Variants in PLCB4 observed in about 807,000 individuals in gnomAD.
The protein encoded by PLCB4 is 1-phosphatidylinositol 4,5-bisphosphate phosphodiesterase beta-4.
In PLCB4, 77 loss-of-function variants were observed where a neutral mutation model predicts 178.8. That is an observed-to-expected ratio of 0.43 (90% CI 0.36 to 0.52). The LOEUF is 0.52. PLCB4 is among the 20% of genes least tolerant of loss of function. The pLI is 0.00. For missense variants in PLCB4, 1,024 were observed against 1,453.4 expected (o/e 0.70, Z 4.80); for synonymous variants, 496 against 490.8 (o/e 1.01, Z -0.14).
At chr20:9,421,562 C>T (rs759822186) in intron 27 of PLCB4, 101 bp downstream of exon 27, 12 of 893,336 alleles carry the variant, frequency 1.3e-5, no homozygotes, top group Non-Finnish European at 2.1e-5. Flanking sequence ...CAACCGACAA[C>T]ATCTTCTTTT....
rs908445000 is a variant in PLCB4, at chr20:9,180,884, G to C, written c.-78-36506G>C. 2.0e-5 allele frequency among the ~76,000 whole-genome samples: 3 copies of C among 152,142 alleles called. No individual in the cohort carries two copies. In the South Asian group the frequency reaches 6.2e-4, roughly 32 times the overall value. On this transcript the variant is annotated intron_variant, in intron 2 of 39. Coordinates refer to ENST00000378473, the MANE Select transcript of PLCB4 (RefSeq NM_001377142.1). ...ACTTTGTTCCTACAAAATTATTTAA[G>C]CATTTGAGCACAAAAATAAACAAAT... is the stretch of plus-strand genomic sequence containing the variant.
chr20:9,409,961 A>T (rs1042093044), intron 24 of PLCB4, among the ~76,000 whole-genome samples: 2 of 152,212 alleles, frequency 1.3e-5, no homozygotes, highest in Non-Finnish European at 2.9e-5. Flanking sequence ...CAACTGGTAA[A>T]ATAAAACAAA....
Position 9,339,015 on chromosome 20 carries a change from C to T in PLCB4, c.347C>T (p.Ala116Val), listed in dbSNP as rs1363986653. The change falls in exon 7 of 40, where the codon GCT becomes GTT. Residue 116 changes from alanine to valine, a missense_variant. Ala to Val is a moderately conservative substitution (Grantham distance 64, BLOSUM62 0). This residue lies in a region of PLCB4 where 225 missense variants were observed against 291.0 expected (regional missense o/e 0.77). Coordinates refer to ENST00000378473, the MANE Select transcript of PLCB4 (RefSeq NM_001377142.1). ...AACATTAGTTTTACCTACATGGTGG[C>T]TGAAAATCCAGAAGTAACTAAGGTA... ...LVNISFTYMV[A>V]ENPEVTKQWV... The T allele has an allele frequency of 6.2e-7, 1 of 1,613,212 alleles. No individual in the cohort carries two copies. The highest frequency in any genetic ancestry group is 8.5e-7 in the Non-Finnish European group (1 of 1,179,458).
rs2093644435 is a variant in PLCB4, at chr20:9,209,027, A to G, written c.-78-8363A>G. The stretch of plus-strand genomic sequence containing the variant: ...ATACCCTGTCCTAACAAAGCAAAAC[A>G]AAGGAAACCCAAATTTTTGGTCCTT... On this transcript the variant is annotated intron_variant, in intron 2 of 39. Coordinates refer to ENST00000378473, the MANE Select transcript of PLCB4 (RefSeq NM_001377142.1). Among the ~76,000 whole-genome samples, 4 of 152,322 alleles carry G rather than the reference A, an allele frequency of 2.6e-5. No individual in the cohort carries two copies. The East Asian group carries it at 7.7e-4, about 29-fold the overall frequency.
intron 2 of PLCB4, among the ~76,000 whole-genome samples, chr20:9,106,562 A>C (rs573020273): frequency 6.6e-5 from 10 of 151,340 alleles, no homozygotes; most frequent in Middle Eastern, 3.4e-3. Context: ...CACACACACA[A>C]AATGTTCATC....
intron 3 of PLCB4, among the ~76,000 whole-genome samples, chr20:9,259,777 A>G (rs895520153): frequency 6.6e-6 from 1 of 152,128 alleles, no homozygotes; most frequent in Non-Finnish European, 1.5e-5. Flanking sequence ...AGTATAAAAT[A>G]TATACCCAAC....
intron 1 of PLCB4, among the ~76,000 whole-genome samples, chr20:9,093,099 A>G (rs1264381611): frequency 3.9e-5 from 6 of 152,190 alleles, no homozygotes; most frequent in Non-Finnish European, 7.3e-5. Context: ...TATTTGACAC[A>G]TATTTATTAA....
At chr20:9,241,755 C>G (rs1301922646) in intron 3 of PLCB4, among the ~76,000 whole-genome samples, 2 of 152,166 alleles carry the variant, frequency 1.3e-5, no homozygotes, top group African/African-American at 4.8e-5. Context: ...TGAAGCATGA[C>G]CAGAATGTCA....
At chr20:9,379,815 G>GA (rs1400521346) in intron 12 of PLCB4, among the ~76,000 whole-genome samples, 1 of 152,048 alleles carries the variant, frequency 6.6e-6, no homozygotes, top group Admixed American at 6.5e-5. Context: ...TTTTGAAGGG[G>GA]AAAAAATGTA....
intron 2 of PLCB4, among the ~76,000 whole-genome samples, chr20:9,148,277 G>T (rs948992547): frequency 9.9e-5 from 15 of 152,038 alleles, no homozygotes; most frequent in Non-Finnish European, 2.2e-4. Flanking sequence ...CCTCAAAGAA[G>T]CTTTGTTGTG....
intron 1 of PLCB4, among the ~76,000 whole-genome samples, chr20:9,086,227 G>A (rs1188560353): frequency 1.3e-5 from 2 of 152,116 alleles, no homozygotes; most frequent in African/African-American, 4.8e-5. Flanking sequence ...AAGGATATAT[G>A]TTTCTGTGTG....
rs758705823 is a variant in PLCB4, at chr20:9,371,299, T to A, written c.585+4T>A. On this transcript the variant is annotated splice_donor_region_variant and intron_variant, in intron 10 of 39. Transcript: ENST00000378473. ...GTTAGGTCTTCCCAGTGGAAAGGTA[T>A]GCATTAACTTAATAATGTATTTCTA... is the stretch of plus-strand genomic sequence containing the variant. 3 of 1,494,752 alleles carry A rather than the reference T, an allele frequency of 2.0e-6. No individual in the cohort carries two copies. In the Admixed American group the frequency reaches 5.1e-5, roughly 25 times the overall value. The allele number at this position is 1,494,752 out of a possible 1,614,324, so 92.6% of individuals were successfully genotyped here. A position where few individuals can be genotyped will look rare whatever the true frequency, so the allele number is the denominator to read the frequency against.
At chr20:9,334,004 G>A (rs1000061228) in intron 4 of PLCB4, among the ~76,000 whole-genome samples, 1 of 152,152 alleles carries the variant, frequency 6.6e-6, no homozygotes, top group Non-Finnish European at 1.5e-5. Context: ...ACTCACAGAG[G>A]AGAGGATGGG....
chr20:9,098,504 T>C (rs1292228058), intron 2 of PLCB4, among the ~76,000 whole-genome samples: 1 of 151,734 alleles, frequency 6.6e-6, no homozygotes. Context: ...AGGAGCACAT[T>C]CTGGAAAAGG....
At chr20:9,075,341 C>A (rs2089801997) in intron 1 of PLCB4, among the ~76,000 whole-genome samples, 1 of 152,170 alleles carries the variant, frequency 6.6e-6, no homozygotes, top group Admixed American at 6.5e-5. Flanking sequence ...AAGCTTCTGG[C>A]AATCCTGCTG....
At chr20:9,394,452 C>T (rs1602344692) in intron 18 of PLCB4, among the ~76,000 whole-genome samples, 1 of 151,722 alleles carries the variant, frequency 6.6e-6, no homozygotes, top group Non-Finnish European at 1.5e-5. Context: ...TTTAACATGA[C>T]TGAGATCATA....
At chr20:9,128,416 T>C (rs117130418) in intron 2 of PLCB4, among the ~76,000 whole-genome samples, 4 of 152,202 alleles carry the variant, frequency 2.6e-5, no homozygotes, top group Non-Finnish European at 4.4e-5. Context: ...ATCTTAACCA[T>C]TTTTTTAAAT....
chr20:9,304,785 T>C (rs562568874), intron 3 of PLCB4, among the ~76,000 whole-genome samples: 1 of 152,148 alleles, frequency 6.6e-6, no homozygotes, highest in South Asian at 2.1e-4. Flanking sequence ...TGTCTCATGT[T>C]GTTGTTACAC....
intron 17 of PLCB4, among the ~76,000 whole-genome samples, chr20:9,393,336 A>G (rs1317203535): frequency 6.6e-6 from 1 of 152,160 alleles, no homozygotes; most frequent in East Asian, 1.9e-4. Flanking sequence ...CCCCTGCTCC[A>G]CTGGGGAGGT....
Sources: gnomAD v4.1 joint callset for allele counts (sites outside exome capture counted in the v4.1 genomes callset) on GRCh38, gnomAD v4.1.1 for gene constraint, gnomAD v4.1.1 regional missense constraint, MANE v1.5 for transcripts, NCBI Gene and HGNC (gene_info 2026-07-23, HGNC 2026-07-21) for gene names.